The following KIAA1217 variants were observed in gnomAD, a reference collection of about 807,000 sequenced individuals.
The protein encoded by KIAA1217 is sickle tail protein homolog.
A neutral mutation model predicts 163.9 loss-of-function variants in KIAA1217; 88 were observed. The ratio of observed to expected loss-of-function variants is 0.54; its 90% CI spans 0.45 to 0.64. The LOEUF (loss-of-function observed/expected upper bound fraction) is 0.64, where lower values mean the gene tolerates loss of function less well. Among genes scored for constraint, KIAA1217 ranks in the 30% least tolerant of loss-of-function variants. KIAA1217 has a pLI of 0.00. For missense variants in KIAA1217, 2,372 were observed against 2,475.0 expected (o/e 0.96, Z 0.88); for synonymous variants, 903 against 923.1 (o/e 0.98, Z 0.39).
chr10:23,996,485 C>T (rs1355596377), intron 1 of KIAA1217, among the ~76,000 whole-genome samples: 2 of 152,160 alleles, frequency 1.3e-5, no homozygotes, highest in African/African-American at 4.8e-5. Context: ...TTCTTTTTTA[C>T]TGTGTATCCA....
rs1554918365 is a variant in KIAA1217 at position 24,511,172 on chromosome 10, A to AAAAAAAAAAAAAAAG, written c.2002-2086_2002-2085insAAAAAAAAAAAAAGA. Among the ~76,000 whole-genome samples, 372 of 115,646 alleles carry AAAAAAAAAAAAAAAG rather than the reference A, an allele frequency of 3.2e-3. 60 individuals are homozygous for AAAAAAAAAAAAAAAG. Among genetic ancestry groups the AAAAAAAAAAAAAAAG allele is most frequent in the African/African-American group, 0.013 (354 of 27,092 alleles). 75.9% of individuals were successfully genotyped at this position (115,646 alleles called of 152,430 possible). On this transcript the variant is annotated intron_variant, in intron 9 of 20. Transcript: ENST00000376454. ...TGTCTCAAAAAAAAAAAAAAAAAAA[A>AAAAAAAAAAAAAAAG]AGGAGCCTGGCCCCTATGAAGAACT...
intron 2 of KIAA1217, among the ~76,000 whole-genome samples, chr10:24,018,529 G>A (rs1157078270): frequency 6.6e-6 from 1 of 151,172 alleles, no homozygotes; most frequent in East Asian, 1.9e-4. Flanking sequence ...TGCACATTGT[G>A]CACATGTACC....
chr10:24,111,403 T>TA (rs1432624365), intron 2 of KIAA1217, among the ~76,000 whole-genome samples: 3 of 151,138 alleles, frequency 2.0e-5, no homozygotes, highest in Non-Finnish European at 4.4e-5. Flanking sequence ...TCTGTGCCCG[T>TA]AAAAAAAGAT....
intron 2 of KIAA1217, among the ~76,000 whole-genome samples, chr10:24,133,585 A>C (rs2131813876): frequency 6.6e-6 from 1 of 152,196 alleles, no homozygotes; most frequent in Middle Eastern, 3.4e-3. Flanking sequence ...AAAAAAAAAA[A>C]AAATGTCTTG....
intron 9 of KIAA1217, among the ~76,000 whole-genome samples, chr10:24,507,111 C>A (rs2068473805): frequency 6.6e-6 from 1 of 152,116 alleles, no homozygotes; most frequent in Non-Finnish European, 1.5e-5. Flanking sequence ...AGTCTTAGGA[C>A]TAAACTAGCC....
chr10:23,775,227 T>C (rs2130889164), intron 1 of KIAA1217, among the ~76,000 whole-genome samples: 1 of 152,148 alleles, frequency 6.6e-6, no homozygotes, highest in East Asian at 1.9e-4. Flanking sequence ...AGATTCAGAT[T>C]TGAGAGACAT....
At chr10:23,766,242 A>G (rs879870691) in intron 1 of KIAA1217, among the ~76,000 whole-genome samples, 2 of 152,190 alleles carry the variant, frequency 1.3e-5, no homozygotes, top group Non-Finnish European at 2.9e-5. Flanking sequence ...CACTAGTGGC[A>G]TGGTAGAGTG....
At chr10:24,527,765 AT>A (rs1471429028) in intron 13 of KIAA1217, among the ~76,000 whole-genome samples, 170 bp from the exon 14 acceptor site, 9 of 152,118 alleles carry the variant, frequency 5.9e-5, no homozygotes, top group Non-Finnish European at 1.0e-4. Context: ...AACATGTCAT[AT>A]GGGTTTGTTG....
intron 1 of KIAA1217, among the ~76,000 whole-genome samples, chr10:23,704,172 G>GTGTGTGTGTGTATATATA (rs1229370789): frequency 9.3e-4 from 37 of 39,922 alleles, no homozygotes; most frequent in African/African-American, 4.2e-3. Flanking sequence ...GTGTGTGTGT[G>GTGTGTGTGTGTATATATA]TATATATATA....
At chr10:24,346,776 G>A (rs890062466) in intron 2 of KIAA1217, among the ~76,000 whole-genome samples, 1 of 151,790 alleles carries the variant, frequency 6.6e-6, no homozygotes, top group African/African-American at 2.4e-5. Context: ...TTGCCATGTT[G>A]GCCAGGCTGG....
chr10:24,281,739 CTCATTATA>C (rs2077950790), intron 2 of KIAA1217, among the ~76,000 whole-genome samples: 1 of 151,974 alleles, frequency 6.6e-6, no homozygotes. Context: ...AAAAGCCATT[CTCATTATA>C]TCATTATATC....
intron 2 of KIAA1217, among the ~76,000 whole-genome samples, chr10:24,083,769 G>A (rs2061607289): frequency 6.6e-6 from 1 of 152,192 alleles, no homozygotes; most frequent in African/African-American, 2.4e-5. Context: ...TAACTAGATA[G>A]TGGGGAGAGG....
At chr10:24,521,042 GT>G (rs35646554) in intron 11 of KIAA1217, among the ~76,000 whole-genome samples, 4,304 of 111,328 alleles carry the variant, frequency 0.039, 68 homozygotes, top group Non-Finnish European at 0.055. Flanking sequence ...AAAAAAAAAA[GT>G]TTTTTTTTTT....
At chr10:24,496,418 GA>G (rs1343944712) in intron 8 of KIAA1217, among the ~76,000 whole-genome samples, 2 of 152,236 alleles carry the variant, frequency 1.3e-5, no homozygotes, top group African/African-American at 4.8e-5. Context: ...TAAACTTAGG[GA>G]GAAGAAAGGA....
intron 1 of KIAA1217, among the ~76,000 whole-genome samples, chr10:23,954,139 G>A (rs891226558): frequency 5.3e-5 from 8 of 152,136 alleles, no homozygotes; most frequent in Non-Finnish European, 1.0e-4. Flanking sequence ...TTTCCAGGGG[G>A]CTGCTTTGTT....
chr10:24,272,066 ATC>A (rs1051396015), intron 2 of KIAA1217, among the ~76,000 whole-genome samples: 1 of 152,168 alleles, frequency 6.6e-6, no homozygotes, highest in African/African-American at 2.4e-5. Flanking sequence ...ACAACCTGAC[ATC>A]TCTCTACTTG....
chr10:24,284,718 T>C (rs2078357366), intron 2 of KIAA1217, among the ~76,000 whole-genome samples: 1 of 152,188 alleles, frequency 6.6e-6, no homozygotes, highest in Non-Finnish European at 1.5e-5. Context: ...CAGGTGTCTT[T>C]TTGGTAGAAT....
chr10:23,760,850 A>AG (rs1393120428), intron 1 of KIAA1217, among the ~76,000 whole-genome samples: 1 of 152,112 alleles, frequency 6.6e-6, no homozygotes, highest in Non-Finnish European at 1.5e-5. Flanking sequence ...CCAGTCAGTG[A>AG]AAAAAAGAAA....
intron 1 of KIAA1217, among the ~76,000 whole-genome samples, chr10:23,992,400 C>A (rs61321361): frequency 6.9e-6 from 1 of 144,594 alleles, no homozygotes; most frequent in East Asian, 2.0e-4. Context: ...TCCTTGCCTA[C>A]CCCATTGCCA....
Sources: allele counts gnomAD v4.1 joint callset (sites outside exome capture counted in the v4.1 genomes callset), GRCh38; gene constraint gnomAD v4.1.1; transcripts MANE v1.5; gene names NCBI Gene and HGNC (gene_info 2026-07-23, HGNC 2026-07-21).